The following FAM9A variants were observed in gnomAD, a reference collection of about 807,000 sequenced individuals.
FAM9A encodes family with sequence similarity 9 member A.
In FAM9A, 49 loss-of-function variants were observed where a neutral mutation model predicts 25.0. The observed-to-expected ratio is 1.96, with a 90% CI of 1.56 to 2.48. FAM9A has a LOEUF of 2.48. Ranked by LOEUF, FAM9A falls within the 30% of genes most tolerant of loss-of-function variation. The probability of loss-of-function intolerance (pLI) is 0.00; values close to 1 mark genes in which losing one functional copy is unlikely to be tolerated. For missense variants in FAM9A, 266 were observed against 249.3 expected, an observed-to-expected ratio of 1.07 and a Z score of -0.45; for synonymous variants, 80 against 85.1, an observed-to-expected ratio of 0.94 and a Z score of 0.33.
At chrX:8,792,095 A>G (rs1355057182) in intron 8 of FAM9A, among the ~76,000 whole-genome samples, 1 of 112,090 alleles carries the variant, frequency 8.9e-6, no homozygotes, top group Non-Finnish European at 1.9e-5. Context: ...ATTTTTTTAA[A>G]GCATTGTGAG....
chrX:8,798,481 T>C lies in FAM9A; in HGVS notation c.221-2A>G. 1 of 1,206,766 alleles carries C rather than the reference T, an allele frequency of 8.3e-7. No individual in the cohort carries two copies. Among genetic ancestry groups the C allele is most frequent in the Non-Finnish European group, 1.1e-6 (1 of 894,281 alleles). On this transcript the variant is annotated splice_acceptor_variant, in intron 3 of 9. Coordinates refer to ENST00000381003, the MANE Select transcript of FAM9A (RefSeq NM_174951.3). LOFTEE classifies it high-confidence loss of function. ...ATTCATCACGGACTGGATCCTTTCCTGCATTAAAATGTAAAAGACAAACCA... is the reference window on the plus strand; with the variant it reads ...ATTCATCACGGACTGGATCCTTTCCCGCATTAAAATGTAAAAGACAAACCA...
chrX:8,793,672 C>A lies in FAM9A; in HGVS notation c.916G>T (p.Glu306Ter). 1 of 1,209,300 alleles carries A rather than the reference C, an allele frequency of 8.3e-7. No homozygotes were observed. ...WRLREMKPLLEQLLKAAKDTK... is the reference protein window; with the variant it reads ...WRLREMKPLL Reference sequence around the variant, plus strand: ...ATAGAACAGACCTTTAGTAATTGCTCAAGTAGCGGCTTCATCTCTCTCAGC... The same window carrying A: ...ATAGAACAGACCTTTAGTAATTGCTAAAGTAGCGGCTTCATCTCTCTCAGC... Residue 306 changes from glutamate (E) to a stop codon, truncating the protein, a stop_gained, in exon 8 of 10, where the codon GAG (glutamate) becomes TAG (stop). Coordinates refer to ENST00000381003, the MANE Select transcript of FAM9A (RefSeq NM_174951.3). LOFTEE classifies it high-confidence loss of function.
At chrX:8,793,931 G>A (rs1258526439) in intron 7 of FAM9A, among the ~76,000 whole-genome samples, 175 bp from the exon 8 acceptor site, 1 of 112,171 alleles carries the variant, frequency 8.9e-6, no homozygotes, top group Non-Finnish European at 1.9e-5. Context: ...ATGCTAAAAT[G>A]ATATAATAAC....
intron 3 of FAM9A, among the ~76,000 whole-genome samples, 165 bp downstream of exon 3, chrX:8,798,801 G>C (rs1193121648): frequency 8.9e-6 from 1 of 112,988 alleles, no homozygotes; most frequent in Non-Finnish European, 1.9e-5. Flanking sequence ...TAAGGCCCTC[G>C]ATCCTGCTTT....
At position 8,799,947 on chromosome X, in the gene FAM9A, T is replaced by G. The variant is rs1248903001; in HGVS notation, c.91+134A>C. The G allele has an allele frequency of 5.0e-6, 3 of 595,622 alleles. No homozygotes were observed. In the East Asian group the frequency reaches 1.4e-4, roughly 27 times the overall value. 49.1% of individuals were successfully genotyped at this position (595,622 alleles called of 1,213,427 possible). A position where few individuals can be genotyped will look rare whatever the true frequency, so the allele number is the denominator to read the frequency against. On this transcript the variant is annotated intron_variant, in intron 2 of 9. Transcript: ENST00000381003. ...GCCCCAGGCAACGATGCCAGGGCCA[T>G]TTCCTGCTTTGAAAACCTGGGGCCT...
chrX:8,797,794 TA>T (rs1336420193), intron 5 of FAM9A, among the ~76,000 whole-genome samples: 3 of 110,871 alleles, frequency 2.7e-5, no homozygotes, highest in African/African-American at 9.8e-5. Context: ...AAATAAAAGA[TA>T]AAAAAACCTG....
In FAM9A at chrX:8,800,075, G is replaced by A. The variant is rs972903577; in HGVS notation, c.91+6C>T. On this transcript the variant is annotated splice_donor_region_variant and intron_variant, in intron 2 of 9. Coordinates refer to ENST00000381003, the MANE Select transcript of FAM9A (RefSeq NM_174951.3). ...GAGCAAACAGACCATCTCCTTGGGCGTGCACCTTCTTTCGTGGCCCCCTGG... is the reference window on the plus strand; with the variant it reads ...GAGCAAACAGACCATCTCCTTGGGCATGCACCTTCTTTCGTGGCCCCCTGG... 38 of 1,204,466 alleles carry A rather than the reference G, an allele frequency of 3.2e-5. No individual in the cohort carries two copies. The highest frequency in any genetic ancestry group is 4.0e-5 in the Non-Finnish European group (36 of 892,978).
In FAM9A at chrX:8,793,638, T is replaced by C; in HGVS notation, c.930+20A>G. 3 of 1,152,935 alleles carry C rather than the reference T, an allele frequency of 2.6e-6. No individual in the cohort carries two copies. The highest frequency in any genetic ancestry group is 3.6e-6 in the Non-Finnish European group (3 of 843,446). Reference sequence around the variant, plus strand: ...ACGTGTTGTATTTTATAATGTATTATGTTACCAAATAGAACAGACCTTTAG... The same window carrying C: ...ACGTGTTGTATTTTATAATGTATTACGTTACCAAATAGAACAGACCTTTAG... On this transcript the variant is annotated intron_variant, in intron 8 of 9. Transcript: ENST00000381003.
intron 7 of FAM9A, among the ~76,000 whole-genome samples, chrX:8,794,680 A>T (rs1245153592): frequency 9.0e-6 from 1 of 111,431 alleles, no homozygotes; most frequent in Non-Finnish European, 1.9e-5. Flanking sequence ...AACACTTTTC[A>T]CTGCCCATTG....
chrX:8,798,952 T>A lies in FAM9A; in HGVS notation c.220+14A>T. On this transcript the variant is annotated intron_variant, in intron 3 of 9. Transcript: ENST00000381003. ...GCGTGCACCTTCTTTTCTGGCCCCTTGGGCTGTGTTTACCTGTGTGCTTCT... is the reference window on the plus strand; with the variant it reads ...GCGTGCACCTTCTTTTCTGGCCCCTAGGGCTGTGTTTACCTGTGTGCTTCT... The A allele has an allele frequency of 8.2e-7, 1 of 1,212,376 alleles. No individual in the cohort carries two copies. The highest frequency in any genetic ancestry group is 1.1e-6 in the Non-Finnish European group (1 of 895,561).
chrX:8,798,932 C>G, intron 3 of FAM9A, 34 bp downstream of exon 3: 5 of 1,211,578 alleles, frequency 4.1e-6, no homozygotes, highest in Non-Finnish European at 5.6e-6. Context: ...CTTGGGCGTG[C>G]ACCTTCTTTT....
Position 8,801,364 on chromosome X carries a change from G to GCTCCCCTCTCC in FAM9A, c.-93_-92insGGAGAGGGGAG, listed in dbSNP as rs1933609967. 8.9e-6 allele frequency: 1 copy of GCTCCCCTCTCC among 111,963 alleles called. No individual in the cohort carries two copies. The highest frequency in any genetic ancestry group is 1.9e-5 in the Non-Finnish European group (1 of 53,089). 9.2% of individuals were successfully genotyped at this position (111,963 alleles called of 1,213,427 possible). A position where few individuals can be genotyped will look rare whatever the true frequency, so the allele number is the denominator to read the frequency against. On this transcript the variant is annotated 5_prime_UTR_variant, in exon 1 of 10. Transcript: ENST00000381003. ...CAGAACCTGCAGGCACTGGCACCACGACGCTCTCTTAGAAAAATGGGTCCT... is the reference window on the plus strand; with the variant it reads ...CAGAACCTGCAGGCACTGGCACCACGCTCCCCTCTCCACGCTCTCTTAGAAAAATGGGTCCT...
At chrX:8,791,419 T>C (rs1400386745) in intron 8 of FAM9A, 40 bp from the exon 9 acceptor site, 1 of 1,040,335 alleles carries the variant, frequency 9.6e-7, no homozygotes, top group Non-Finnish European at 1.3e-6. Flanking sequence ...ACCACCACTT[T>C]ACATCTCACG....
chrX:8,796,667 C>T (rs1050900880), intron 5 of FAM9A, among the ~76,000 whole-genome samples: 6 of 111,758 alleles, frequency 5.4e-5, no homozygotes, highest in Non-Finnish European at 7.5e-5. Flanking sequence ...GTGCAGAAAG[C>T]GTTACAAACA....
intron 5 of FAM9A, 75 bp downstream of exon 5, chrX:8,798,075 A>G: frequency 9.8e-7 from 1 of 1,024,465 alleles, no homozygotes; most frequent in Non-Finnish European, 1.3e-6. Context: ...TCGTCCACTA[A>G]TTCATATAAC....
At chrX:8,794,913 C>T (rs1222650791) in intron 7 of FAM9A, among the ~76,000 whole-genome samples, 165 bp downstream of exon 7, 2 of 111,891 alleles carry the variant, frequency 1.8e-5, no homozygotes, top group Non-Finnish European at 3.8e-5. Context: ...CAGTTGGACC[C>T]CTAATGCTGC....
At position 8,793,706 on chromosome X, in the gene FAM9A, C is replaced by G; in HGVS notation, c.882G>C (p.Arg294Ser). 8.3e-7 allele frequency: 1 copy of G among 1,211,477 alleles called. No homozygotes were observed. The highest frequency in any genetic ancestry group is 2.2e-5 in the Admixed American group (1 of 46,027). Residue 294 changes from arginine to serine, a missense_variant, in exon 8 of 10, where the codon AGG becomes AGC. Transcript: ENST00000381003. Reference protein sequence around the residue: ...QKRWQQPTGVRSWRLREMKPL... With the variant: ...QKRWQQPTGVSSWRLREMKPL... ...GCTTCATCTCTCTCAGCCTCCAGCT[C>G]CTAACACCTGTAGGTTGTTGCCACC...
chrX:8,800,611 C>T (rs1362469697), intron 1 of FAM9A, among the ~76,000 whole-genome samples: 1 of 110,071 alleles, frequency 9.1e-6, no homozygotes, highest in African/African-American at 3.3e-5. Flanking sequence ...CAGGTGACCC[C>T]TCGTGACCCC....
chrX:8,800,936 C>T (rs1320983472), intron 1 of FAM9A, among the ~76,000 whole-genome samples: 1 of 67,897 alleles, frequency 1.5e-5, no homozygotes, highest in Admixed American at 1.8e-4. Context: ...ATGCACAAGT[C>T]CCGGGGACAC....
Sources: allele counts gnomAD v4.1 joint callset (sites outside exome capture counted in the v4.1 genomes callset), GRCh38; gene constraint gnomAD v4.1.1; transcripts MANE v1.5; gene names NCBI Gene and HGNC (gene_info 2026-07-23, HGNC 2026-07-21).